The following CSMD1 variants were observed in gnomAD, a reference collection of about 807,000 sequenced individuals.
CSMD1 encodes the protein CUB and Sushi multiple domains 1.
In CSMD1, 213 loss-of-function variants were observed where a neutral mutation model predicts 417.5. The ratio of observed to expected loss-of-function variants is 0.51; its 90% CI spans 0.46 to 0.57. CSMD1 has a LOEUF of 0.57. Ranked by LOEUF, CSMD1 falls within the 20% of genes least tolerant of loss-of-function variation. The pLI, the probability that CSMD1 is intolerant of heterozygous loss-of-function variation, is 0.00. For synonymous variants in CSMD1, 2,862 were observed against 1,736.8 expected (o/e 1.65, Z -16.11); for missense variants, 6,923 against 4,529.7 (o/e 1.53, Z -15.17).
At chr8:4,402,726 C>T (rs1804726398) in intron 3 of CSMD1, among the ~76,000 whole-genome samples, 1 of 151,682 alleles carries the variant, frequency 6.6e-6, no homozygotes, top group Non-Finnish European at 1.5e-5. Context: ...ATCCTTCTCT[C>T]ACCTCATTCA....
intron 12 of CSMD1, among the ~76,000 whole-genome samples, chr8:3,449,887 T>C (rs563715434): frequency 2.6e-5 from 4 of 152,180 alleles, no homozygotes; most frequent in Non-Finnish European, 5.9e-5. Context: ...TTTCTAATTA[T>C]TTCAGACATT....
intron 1 of CSMD1, among the ~76,000 whole-genome samples, chr8:4,715,104 C>T (rs1389114882): frequency 1.3e-5 from 2 of 152,154 alleles, no homozygotes. Flanking sequence ...CCTCTCATCA[C>T]TTATAGTTCA....
chr8:4,134,868 G>C (rs1803322677), intron 3 of CSMD1, among the ~76,000 whole-genome samples: 1 of 152,108 alleles, frequency 6.6e-6, no homozygotes, highest in Non-Finnish European at 1.5e-5. Context: ...ATTGCTCCTA[G>C]AATAAAGTTA....
At position 3,284,309 on chromosome 8, in the gene CSMD1, C is replaced by T. The variant is rs1802975125; in HGVS notation, c.3988G>A (p.Asp1330Asn). ...FIVFDTEMAH[D>N]ILKVWDGPVD... ...GGCCCGTCCCAGACCTTGAGGATGTCGTGAGCCATCTCCGTGTCGAAAACA... is the reference window on the plus strand; with the variant it reads ...GGCCCGTCCCAGACCTTGAGGATGTTGTGAGCCATCTCCGTGTCGAAAACA... Residue 1330 changes from aspartate (D) to asparagine (N), a missense_variant, in exon 26 of 70, where the codon GAC (aspartate) becomes AAC (asparagine). Asp to Asn is a conservative substitution (Grantham distance 23). Transcript: ENST00000635120. The T allele has an allele frequency of 6.2e-7, 1 of 1,613,720 alleles. No individual in the cohort carries two copies. Among genetic ancestry groups the T allele is most frequent in the Non-Finnish European group, 8.5e-7 (1 of 1,179,864 alleles).
intron 1 of CSMD1, among the ~76,000 whole-genome samples, chr8:4,686,941 G>A (rs1806422908): frequency 6.6e-6 from 1 of 152,204 alleles, no homozygotes; most frequent in Non-Finnish European, 1.5e-5. Context: ...ACTTGGAAGT[G>A]GAGGAGACAC....
At chr8:3,210,313 G>T (rs1025513066) in intron 30 of CSMD1, among the ~76,000 whole-genome samples, 2 of 131,256 alleles carry the variant, frequency 1.5e-5, no homozygotes, top group African/African-American at 2.9e-5. Flanking sequence ...TGTTTCATGC[G>T]CTGTGCTCTT....
intron 1 of CSMD1, among the ~76,000 whole-genome samples, chr8:4,790,117 A>G (rs1797615022): frequency 6.6e-6 from 1 of 152,226 alleles, no homozygotes; most frequent in African/African-American, 2.4e-5. Flanking sequence ...CACTTGTGAT[A>G]TCCAATATTC....
chr8:4,415,514 T>G, intron 3 of CSMD1, among the ~76,000 whole-genome samples: 1 of 152,200 alleles, frequency 6.6e-6, no homozygotes, highest in East Asian at 1.9e-4. Context: ...GCTCTTTCCC[T>G]TGCTCTTCCG....
chr8:4,356,088 C>A (rs747395003), intron 3 of CSMD1, among the ~76,000 whole-genome samples: 26 of 152,156 alleles, frequency 1.7e-4, no homozygotes, highest in Non-Finnish European at 3.4e-4. Context: ...TATATGTTGT[C>A]TTTTATCCCT....
At chr8:4,034,162 C>T (rs560678092) in intron 3 of CSMD1, among the ~76,000 whole-genome samples, 53 of 152,140 alleles carry the variant, frequency 3.5e-4, no homozygotes, top group African/African-American at 1.3e-3. Context: ...ACATAGAGAA[C>T]ATTTTTAGAA....
At chr8:4,730,251 A>G (rs1170520098) in intron 1 of CSMD1, among the ~76,000 whole-genome samples, 2 of 152,144 alleles carry the variant, frequency 1.3e-5, no homozygotes, top group Non-Finnish European at 2.9e-5. Context: ...ATATATATAT[A>G]CTTTTTTATG....
intron 3 of CSMD1, among the ~76,000 whole-genome samples, chr8:4,220,640 A>T (rs1800973463): frequency 6.6e-6 from 1 of 152,204 alleles, no homozygotes; most frequent in Admixed American, 6.5e-5. Context: ...TTGGAGGTGG[A>T]ATCAACACAA....
chr8:4,776,265 T>C (rs943129909), intron 1 of CSMD1, among the ~76,000 whole-genome samples: 4 of 152,120 alleles, frequency 2.6e-5, no homozygotes, highest in Non-Finnish European at 5.9e-5. Context: ...TTCAAGACCC[T>C]CCTGAAAATT....
intron 57 of CSMD1, among the ~76,000 whole-genome samples, chr8:2,971,745 AT>A (rs890287553): frequency 5.9e-5 from 9 of 152,212 alleles, no homozygotes; most frequent in Non-Finnish European, 7.3e-5. Context: ...TGATTAACAA[AT>A]TTATATCAAT....
chr8:3,690,205 A>G (rs995992216), intron 7 of CSMD1, among the ~76,000 whole-genome samples: 1 of 152,170 alleles, frequency 6.6e-6, no homozygotes, highest in Admixed American at 6.5e-5. Context: ...CAAAAAATAC[A>G]AAAATTAGCC....
intron 1 of CSMD1, among the ~76,000 whole-genome samples, chr8:4,734,152 A>G (rs1028204299): frequency 1.3e-5 from 2 of 152,164 alleles, no homozygotes; most frequent in African/African-American, 4.8e-5. Context: ...AGCTCTATTG[A>G]AATATAATAG....
intron 3 of CSMD1, among the ~76,000 whole-genome samples, chr8:4,139,254 T>A (rs920290054): frequency 7.2e-5 from 11 of 152,342 alleles, no homozygotes; most frequent in African/African-American, 2.4e-4. Flanking sequence ...AGCTTCATTA[T>A]GCATCAGTGT....
intron 1 of CSMD1, among the ~76,000 whole-genome samples, chr8:4,841,234 G>C (rs1209893195): frequency 2.0e-5 from 3 of 152,218 alleles, no homozygotes; most frequent in African/African-American, 4.8e-5. Flanking sequence ...AGGGAAACAA[G>C]TGCAATGGCA....
At chr8:3,790,635 C>G (rs1472084566) in intron 5 of CSMD1, among the ~76,000 whole-genome samples, 4 of 152,074 alleles carry the variant, frequency 2.6e-5, no homozygotes, top group Non-Finnish European at 4.4e-5. Context: ...TATCAAAACA[C>G]AAAGAGATAA....
Sources: allele counts gnomAD v4.1 joint callset (sites outside exome capture counted in the v4.1 genomes callset), GRCh38; gene constraint gnomAD v4.1.1; transcripts MANE v1.5; gene names NCBI Gene and HGNC (gene_info 2026-07-23, HGNC 2026-07-21).